ZFYVE9: variants seen among roughly 807,000 people sequenced by gnomAD.
The protein encoded by ZFYVE9 is zinc finger FYVE-type containing 9, also known as zinc finger FYVE domain-containing protein 9.
In ZFYVE9, 43 loss-of-function variants were observed where a neutral mutation model predicts 126.7. The ratio of observed to expected loss-of-function variants is 0.34; its 90% CI spans 0.27 to 0.44. ZFYVE9 has a LOEUF of 0.44. Among genes scored for constraint, ZFYVE9 ranks in the 20% least tolerant of loss-of-function variants. The probability of loss-of-function intolerance (pLI) is 1.00; values close to 1 mark genes in which losing one functional copy is unlikely to be tolerated. For missense variants in ZFYVE9, 1,476 were observed against 1,697.0 expected (o/e 0.87, Z 2.29); for synonymous variants, 521 against 597.4 (o/e 0.87, Z 1.87).
chr1:52,275,041 A>G (rs913739498), intron 8 of ZFYVE9, among the ~76,000 whole-genome samples: 3 of 152,202 alleles, frequency 2.0e-5, no homozygotes, highest in Non-Finnish European at 4.4e-5. Context: ...GATAAGAAGT[A>G]AAATTATTAT....
At chr1:52,251,151 A>G (rs1645442521) in intron 4 of ZFYVE9, among the ~76,000 whole-genome samples, 1 of 151,944 alleles carries the variant, frequency 6.6e-6, no homozygotes, top group Admixed American at 6.6e-5. Context: ...GGCTCACTGC[A>G]ACCTCTGCCT....
intron 7 of ZFYVE9, among the ~76,000 whole-genome samples, chr1:52,273,366 A>G (rs1471600680): frequency 6.6e-6 from 1 of 152,212 alleles, no homozygotes; most frequent in Non-Finnish European, 1.5e-5. Context: ...ATACATCTGT[A>G]TAGTATGGGA....
chr1:52,234,378 T>G (rs1412992543), intron 3 of ZFYVE9, among the ~76,000 whole-genome samples: 1 of 152,162 alleles, frequency 6.6e-6, no homozygotes, highest in Admixed American at 6.5e-5. Flanking sequence ...GGAGAATCAC[T>G]TGAGCCCTAG....
At chr1:52,245,627 A>G (rs758601894) in intron 4 of ZFYVE9, among the ~76,000 whole-genome samples, 18 of 152,226 alleles carry the variant, frequency 1.2e-4, no homozygotes, top group Non-Finnish European at 2.2e-4. Context: ...TTACGATTCA[A>G]ACTCAGGGAC....
intron 4 of ZFYVE9, among the ~76,000 whole-genome samples, chr1:52,255,091 A>C (rs935412579): frequency 7.3e-6 from 1 of 137,230 alleles, no homozygotes; most frequent in Admixed American, 7.2e-5. Flanking sequence ...ACCATGTCTC[A>C]AAAAAAAAAA....
chr1:52,186,258 C>T (rs1644764576), intron 1 of ZFYVE9, among the ~76,000 whole-genome samples: 1 of 149,028 alleles, frequency 6.7e-6, no homozygotes, highest in East Asian at 2.0e-4. Context: ...AAAAACAAAA[C>T]AAAACCCAAA....
chr1:52,209,314 G>A (rs1017960231), intron 1 of ZFYVE9, among the ~76,000 whole-genome samples: 4 of 151,790 alleles, frequency 2.6e-5, no homozygotes, highest in Non-Finnish European at 2.9e-5. Flanking sequence ...AAAATAATAT[G>A]GATGAAGACT....
At chr1:52,218,502 T>G (rs1458779931) in intron 2 of ZFYVE9, among the ~76,000 whole-genome samples, 3 of 152,136 alleles carry the variant, frequency 2.0e-5, no homozygotes, top group Admixed American at 2.0e-4. Context: ...GCACATGACA[T>G]GTTTCCCCAG....
intron 2 of ZFYVE9, among the ~76,000 whole-genome samples, chr1:52,219,137 G>C (rs181860093): frequency 7.0e-4 from 107 of 152,074 alleles, no homozygotes; most frequent in African/African-American, 2.3e-3. Context: ...TGCAAGGGTC[G>C]GGGGTGGTGC....
intron 10 of ZFYVE9, among the ~76,000 whole-genome samples, chr1:52,284,747 T>C (rs1199119877): frequency 6.6e-6 from 1 of 152,136 alleles, no homozygotes; most frequent in Non-Finnish European, 1.5e-5. Flanking sequence ...AGGATACTTA[T>C]ATGTCAGTTC....
In ZFYVE9 at chr1:52,239,479, A is replaced by T. The variant is rs745900026; in HGVS notation, c.2062A>T (p.Thr688Ser). Reference protein sequence around the residue: ...FGISARKPFTTLGEVAPVWVP... With the variant: ...FGISARKPFTSLGEVAPVWVP... ...AATTTCTGCCAGAAAGCCATTCACCACTCTGGGTGAGGTGGCTCCAGTATG... is the reference window on the plus strand; with the variant it reads ...AATTTCTGCCAGAAAGCCATTCACCTCTCTGGGTGAGGTGGCTCCAGTATG... The change falls in exon 4 of 19, where the codon ACT (threonine) becomes TCT (serine). Residue 688 changes from threonine to serine, a missense_variant. This residue lies in a region of ZFYVE9 where 669 missense variants were observed against 902.4 expected (regional missense o/e 0.74). Coordinates refer to ENST00000287727, the MANE Select transcript of ZFYVE9 (RefSeq NM_004799.4). 4.3e-6 allele frequency: 7 copies of T among 1,613,894 alleles called. No individual in the cohort carries two copies. The highest frequency in any genetic ancestry group is 5.9e-6 in the Non-Finnish European group (7 of 1,179,998).
At chr1:52,255,766 A>G (rs141816096) in intron 4 of ZFYVE9, among the ~76,000 whole-genome samples, 193 of 151,884 alleles carry the variant, frequency 1.3e-3, no homozygotes, top group African/African-American at 4.2e-3. Context: ...TGCGGCGCGT[A>G]CCTGTAGTCT....
At chr1:52,334,661 AC>A in intron 14 of ZFYVE9, 26 bp from the exon 15 acceptor site, 1 of 1,610,496 alleles carries the variant, frequency 6.2e-7, no homozygotes, top group Non-Finnish European at 8.5e-7. Flanking sequence ...GGTCTGTCTT[AC>A]TAAACTATTT....
chr1:52,146,078 AAAATAATAC>A (rs753903776), intron 1 of ZFYVE9, among the ~76,000 whole-genome samples: 6 of 151,138 alleles, frequency 4.0e-5, no homozygotes, highest in Non-Finnish European at 7.4e-5. Context: ...TACAATAATA[AAAATAATAC>A]AAATAAAAAC....
At chr1:52,338,019 T>C (rs1646404430) in intron 16 of ZFYVE9, 85 bp downstream of exon 16, 2 of 1,448,138 alleles carry the variant, frequency 1.4e-6, no homozygotes, top group African/African-American at 2.8e-5. Context: ...TGGTGTTTTA[T>C]AGTTTTACTG....
At chr1:52,316,665 T>C (rs1456161675) in intron 13 of ZFYVE9, among the ~76,000 whole-genome samples, 1 of 152,160 alleles carries the variant, frequency 6.6e-6, no homozygotes, top group Non-Finnish European at 1.5e-5. Flanking sequence ...TCAAAACATG[T>C]ATCTAAATAA....
At chr1:52,323,594 G>A (rs1018609488) in intron 13 of ZFYVE9, among the ~76,000 whole-genome samples, 2 of 152,112 alleles carry the variant, frequency 1.3e-5, no homozygotes, top group African/African-American at 2.4e-5. Context: ...GGCACATAGC[G>A]TGAGACCTCA....
intron 1 of ZFYVE9, among the ~76,000 whole-genome samples, chr1:52,214,933 G>C (rs961181198): frequency 6.6e-6 from 1 of 152,144 alleles, no homozygotes; most frequent in Non-Finnish European, 1.5e-5. Context: ...TGGTCACACT[G>C]GGGAGGGCAA....
chr1:52,160,676 A>G, intron 1 of ZFYVE9: 1 of 566,770 alleles, frequency 1.8e-6, no homozygotes, highest in Non-Finnish European at 3.2e-6. Context: ...GGCCTCCTGC[A>G]GTGCTGGGAT....
Sources: gnomAD v4.1 joint callset for allele counts (sites outside exome capture counted in the v4.1 genomes callset) on GRCh38, gnomAD v4.1.1 for gene constraint, gnomAD v4.1.1 regional missense constraint, MANE v1.5 for transcripts, NCBI Gene and HGNC (gene_info 2026-07-23, HGNC 2026-07-21) for gene names.